CSMD1: variants seen among roughly 807,000 people sequenced by gnomAD.
CSMD1 encodes CUB and sushi domain-containing protein 1.
Under a neutral mutation model 417.5 loss-of-function variants are expected in CSMD1, and 213 were observed. That is an observed-to-expected ratio of 0.51 (90% CI 0.46 to 0.57). The LOEUF is 0.57. Ranked by LOEUF, CSMD1 falls within the 20% of genes least tolerant of loss-of-function variation. The pLI is 0.00. For missense variants in CSMD1, 6,923 were observed against 4,529.7 expected, an observed-to-expected ratio of 1.53 and a Z score of -15.17; for synonymous variants, 2,862 against 1,736.8, an observed-to-expected ratio of 1.65 and a Z score of -16.11.
intron 1 of CSMD1, among the ~76,000 whole-genome samples, chr8:4,812,121 G>C (rs1351744722): frequency 6.6e-6 from 1 of 152,180 alleles, no homozygotes; most frequent in Non-Finnish European, 1.5e-5. Flanking sequence ...TCAGGAATGA[G>C]AACACAACCA....
chr8:4,693,126 A>G (rs1313394314), intron 1 of CSMD1, among the ~76,000 whole-genome samples: 1 of 152,102 alleles, frequency 6.6e-6, no homozygotes, highest in East Asian at 1.9e-4. Context: ...GAATCTTCTG[A>G]GTGTCAGGGT....
At chr8:4,936,912 T>A (rs1415894022) in intron 1 of CSMD1, among the ~76,000 whole-genome samples, 2 of 152,256 alleles carry the variant, frequency 1.3e-5, no homozygotes, top group African/African-American at 4.8e-5. Context: ...TTTATTTTCT[T>A]TAAATGTTAT....
At chr8:3,281,499 G>A (rs1158054453) in intron 26 of CSMD1, among the ~76,000 whole-genome samples, 2 of 152,068 alleles carry the variant, frequency 1.3e-5, no homozygotes, top group Admixed American at 6.5e-5. Flanking sequence ...AATATTATTC[G>A]CTGCTAAAAA....
intron 9 of CSMD1, among the ~76,000 whole-genome samples, chr8:3,578,250 C>A (rs569053146): frequency 6.6e-6 from 1 of 152,102 alleles, no homozygotes; most frequent in Non-Finnish European, 1.5e-5. Flanking sequence ...GAAAATGGGA[C>A]AGGCTGAGAA....
At chr8:4,962,726 G>A (rs1302662584) in intron 1 of CSMD1, among the ~76,000 whole-genome samples, 6 of 152,158 alleles carry the variant, frequency 3.9e-5, no homozygotes, top group East Asian at 1.9e-4. Flanking sequence ...GGGCAAGAAC[G>A]GCAGGAGAAG....
chr8:4,852,863 T>C (rs565203524), intron 1 of CSMD1, among the ~76,000 whole-genome samples: 11 of 152,220 alleles, frequency 7.2e-5, no homozygotes, highest in African/African-American at 2.6e-4. Context: ...GCAAAGAACT[T>C]GGTTGCATTG....
intron 2 of CSMD1, among the ~76,000 whole-genome samples, chr8:4,473,633 T>C (rs1156674833): frequency 6.6e-6 from 1 of 152,076 alleles, no homozygotes. Flanking sequence ...ACTTGGGGAG[T>C]TTAGTTTCCT....
intron 1 of CSMD1, among the ~76,000 whole-genome samples, chr8:4,663,945 G>C (rs1350863744): frequency 6.6e-6 from 1 of 152,138 alleles, no homozygotes; most frequent in Admixed American, 6.5e-5. Flanking sequence ...GATGGAAATT[G>C]GAAAGCTAAT....
intron 5 of CSMD1, among the ~76,000 whole-genome samples, chr8:3,995,070 A>C (rs4452805): frequency 0.025 from 3,876 of 152,258 alleles, 171 homozygotes; most frequent in African/African-American, 0.089. Context: ...CCTTTTAAAT[A>C]CACCAATTTG....
intron 3 of CSMD1, among the ~76,000 whole-genome samples, chr8:4,139,377 G>C (rs1436298366): frequency 2.0e-5 from 3 of 152,108 alleles, no homozygotes; most frequent in Admixed American, 6.5e-5. Context: ...TCACAGTGGT[G>C]TTTGAGCTGC....
intron 5 of CSMD1, among the ~76,000 whole-genome samples, chr8:3,757,461 T>G (rs2720869): frequency 0.21 from 31,433 of 152,178 alleles, 3,697 homozygotes; most frequent in South Asian, 0.31. Flanking sequence ...ACTTTTTGAT[T>G]GTATTTTTTC....
chr8:3,862,810 C>T (rs946314233), intron 5 of CSMD1, among the ~76,000 whole-genome samples: 5 of 152,198 alleles, frequency 3.3e-5, no homozygotes, highest in African/African-American at 4.8e-5. Flanking sequence ...AACAGCATTG[C>T]CTGCCCTCAA....
chr8:3,416,380 A>G, intron 12 of CSMD1, among the ~76,000 whole-genome samples: 1 of 151,852 alleles, frequency 6.6e-6, no homozygotes, highest in East Asian at 1.9e-4. Flanking sequence ...CAAATAACAG[A>G]GGACCAAACA....
intron 5 of CSMD1, among the ~76,000 whole-genome samples, chr8:3,885,488 A>G (rs1300341693): frequency 6.6e-6 from 1 of 152,184 alleles, no homozygotes; most frequent in Non-Finnish European, 1.5e-5. Flanking sequence ...AGATGAAAAT[A>G]AACTCTCGAA....
chr8:4,411,146 C>A (rs1796632207), intron 3 of CSMD1, among the ~76,000 whole-genome samples: 1 of 152,182 alleles, frequency 6.6e-6, no homozygotes, highest in Admixed American at 6.5e-5. Context: ...TGAGATACAT[C>A]TCTTTCCTTT....
chr8:2,974,674 T>C, intron 55 of CSMD1, 50 bp from the exon 56 acceptor site: 1 of 1,410,608 alleles, frequency 7.1e-7, no homozygotes, highest in Non-Finnish European at 9.5e-7. Flanking sequence ...GTTAAACCAC[T>C]TTGTATTGGA....
chr8:2,964,980 A>G (rs1006328423), intron 59 of CSMD1, among the ~76,000 whole-genome samples: 2 of 152,182 alleles, frequency 1.3e-5, no homozygotes, highest in African/African-American at 4.8e-5. Context: ...TCTAATAAGG[A>G]GGAGAATGCC....
intron 1 of CSMD1, among the ~76,000 whole-genome samples, chr8:4,979,471 G>C (rs1810754593): frequency 1.3e-5 from 2 of 152,132 alleles, no homozygotes; most frequent in African/African-American, 4.8e-5. Flanking sequence ...GGTACCTTTA[G>C]AACACTTGAG....
chr8:4,780,669 C>T (rs781373537), intron 1 of CSMD1, among the ~76,000 whole-genome samples: 34 of 152,096 alleles, frequency 2.2e-4, no homozygotes, highest in Non-Finnish European at 3.5e-4. Context: ...CACCCATCAC[C>T]CGAGTGGTAT....
Sources: gnomAD v4.1 joint callset for allele counts (sites outside exome capture counted in the v4.1 genomes callset) on GRCh38, gnomAD v4.1.1 for gene constraint, MANE v1.5 for transcripts, NCBI Gene and HGNC (gene_info 2026-07-23, HGNC 2026-07-21) for gene names.